SNX8: variants seen among roughly 807,000 people sequenced by gnomAD.
SNX8 encodes sorting nexin-8.
A neutral mutation model predicts 51.6 loss-of-function variants in SNX8; 25 were observed. The ratio of observed to expected loss-of-function variants is 0.48; its 90% CI spans 0.35 to 0.68. SNX8 has a LOEUF of 0.68. Ranked by LOEUF, SNX8 falls within the 30% of genes least tolerant of loss-of-function variation. The pLI, the probability that SNX8 is intolerant of heterozygous loss-of-function variation, is 0.00. For missense variants in SNX8, 695 were observed against 624.0 expected (o/e 1.11, Z -1.21); for synonymous variants, 324 against 277.0 (o/e 1.17, Z -1.68).
rs79654246 is a variant in SNX8, at chr7:2,305,086, G to A, written c.94+9242C>T. Among the ~76,000 whole-genome samples, 240 of 152,264 alleles carry A rather than the reference G, an allele frequency of 1.6e-3. 7 individuals carry two copies. The East Asian group carries it at 0.043, about 27-fold the overall frequency. Reference sequence around the variant, plus strand: ...GCTCCTTCCTGCTGTGCTGCCGGTGGGTCACCGAAACAGCTGGACTCAACA... The same window carrying A: ...GCTCCTTCCTGCTGTGCTGCCGGTGAGTCACCGAAACAGCTGGACTCAACA... On this transcript the variant is annotated intron_variant, in intron 1 of 10. Coordinates refer to ENST00000222990, the MANE Select transcript of SNX8 (RefSeq NM_013321.4).
At chr7:2,351,550 A>G (rs1485162493) in intron 1 of SNX8, among the ~76,000 whole-genome samples, 7 of 151,840 alleles carry the variant, frequency 4.6e-5, no homozygotes, top group Non-Finnish European at 1.0e-4. Context: ...AAATAATAAT[A>G]GGCCAGGCGC....
chr7:2,283,114 C>T (rs1795946249), intron 1 of SNX8, among the ~76,000 whole-genome samples: 1 of 151,584 alleles, frequency 6.6e-6, no homozygotes, highest in African/African-American at 2.4e-5. Context: ...AAACCAGACT[C>T]CGTCTCAAAA....
intron 1 of SNX8, among the ~76,000 whole-genome samples, chr7:2,298,527 G>A (rs754916976): frequency 2.6e-5 from 4 of 151,418 alleles, no homozygotes; most frequent in African/African-American, 7.3e-5. Flanking sequence ...GCACCAGCAC[G>A]CCCAGGTAAT....
rs551493936 is a variant in SNX8 at position 2,271,417 on chromosome 7, G to T, written c.540+433C>A. Among the ~76,000 whole-genome samples, 585 of 152,308 alleles carry T rather than the reference G, an allele frequency of 3.8e-3. 2 individuals are homozygous for T. Among genetic ancestry groups the T allele is most frequent in the Non-Finnish European group, 4.4e-3 (301 of 68,028 alleles). On this transcript the variant is annotated intron_variant, in intron 4 of 10. Transcript: ENST00000222990. Reference sequence around the variant, plus strand: ...GGGAAGCCCCACTCAGACCTCTGACGGAGTGCATGTACAACAAGTTAATTC... The same window carrying T: ...GGGAAGCCCCACTCAGACCTCTGACTGAGTGCATGTACAACAAGTTAATTC...
At chr7:2,267,330 C>A (rs1261007316) in intron 5 of SNX8, among the ~76,000 whole-genome samples, 33 of 142,698 alleles carry the variant, frequency 2.3e-4, no homozygotes, top group African/African-American at 8.4e-4. Context: ...CTCCCCCTCC[C>A]CCTCTCCCTC....
In SNX8 at chr7:2,264,472, G is replaced by C. The variant is rs756365601; in HGVS notation, c.622-14C>G. On this transcript the variant is annotated splice_polypyrimidine_tract_variant and intron_variant, in intron 5 of 10. Transcript: ENST00000222990. ...TGGGAGGAAGTCCTGACATCATGATGGGGGGAGAGACACTGTGTTAGTCGC... is the reference window on the plus strand; with the variant it reads ...TGGGAGGAAGTCCTGACATCATGATCGGGGGAGAGACACTGTGTTAGTCGC... 3 of 1,605,856 alleles carry C rather than the reference G, an allele frequency of 1.9e-6. No homozygotes were observed. The South Asian group carries it at 3.3e-5, about 18-fold the overall frequency.
chr7:2,345,020 T>G (rs1778995451), intron 1 of SNX8, among the ~76,000 whole-genome samples: 1 of 152,202 alleles, frequency 6.6e-6, no homozygotes, highest in South Asian at 2.1e-4. Context: ...GGAGTGTAAA[T>G]TGGTACAGAT....
chr7:2,286,722 G>A (rs989164027), intron 1 of SNX8, among the ~76,000 whole-genome samples: 12 of 151,486 alleles, frequency 7.9e-5, no homozygotes, highest in African/African-American at 2.4e-4. Context: ...GTTTCACCAT[G>A]TTAGCCAGGA....
intron 1 of SNX8, chr7:2,309,656 G>C (rs1299765079): frequency 1.0e-5 from 4 of 390,118 alleles, no homozygotes; most frequent in African/African-American, 6.4e-5. Flanking sequence ...GCTTGAACCC[G>C]GGAGGAGGAG....
chr7:2,304,849 C>G (rs188073629), intron 1 of SNX8, among the ~76,000 whole-genome samples: 204 of 152,262 alleles, frequency 1.3e-3, no homozygotes, highest in Non-Finnish European at 2.3e-3. Context: ...GTGGCCGGTT[C>G]TTGAAAGACA....
At chr7:2,275,496 TAA>T (rs1374075687) in intron 2 of SNX8, among the ~76,000 whole-genome samples, 1 of 151,194 alleles carries the variant, frequency 6.6e-6, no homozygotes, top group Non-Finnish European at 1.5e-5. Flanking sequence ...GGTCAGGAGT[TAA>T]AGAGACCAGC....
chr7:2,345,011 G>A (rs7803941), intron 1 of SNX8, among the ~76,000 whole-genome samples: 1,637 of 152,252 alleles, frequency 0.011, 38 homozygotes, highest in African/African-American at 0.033. Context: ...CTGCTGGAGG[G>A]AGTGTAAATT....
intron 1 of SNX8, among the ~76,000 whole-genome samples, chr7:2,324,019 C>T (rs1219756212): frequency 6.6e-6 from 1 of 151,702 alleles, no homozygotes; most frequent in Non-Finnish European, 1.5e-5. Flanking sequence ...ACTTGGGAGG[C>T]TGAGGCAGGA....
At chr7:2,349,406 GTTTA>G (rs1316930413) in intron 1 of SNX8, among the ~76,000 whole-genome samples, 1 of 149,950 alleles carries the variant, frequency 6.7e-6, no homozygotes, top group Non-Finnish European at 1.5e-5. Context: ...TATATTTTTA[GTTTA>G]TTTTTTTCAC....
chr7:2,292,602 G>A (rs894519712), intron 1 of SNX8, among the ~76,000 whole-genome samples: 3 of 151,954 alleles, frequency 2.0e-5, no homozygotes, highest in Non-Finnish European at 4.4e-5. Flanking sequence ...TAGTAGAAAC[G>A]TGGTTTCACC....
At chr7:2,329,680 A>T (rs918106088) in intron 1 of SNX8, among the ~76,000 whole-genome samples, 4 of 152,182 alleles carry the variant, frequency 2.6e-5, no homozygotes, top group Non-Finnish European at 5.9e-5. Context: ...TGAAGCCTCC[A>T]TAAAAATCCA....
chr7:2,256,517 G>A (rs1238051715), intron 10 of SNX8, among the ~76,000 whole-genome samples: 4 of 152,236 alleles, frequency 2.6e-5, no homozygotes, highest in South Asian at 2.1e-4. Context: ...GGGCTCTCTG[G>A]AAGAACAGCC....
intron 1 of SNX8, among the ~76,000 whole-genome samples, chr7:2,330,051 G>A (rs1486427048): frequency 2.0e-5 from 3 of 148,886 alleles, no homozygotes; most frequent in Non-Finnish European, 4.4e-5. Context: ...GGCTGGTCTC[G>A]AACTCCTGAC....
rs1357449864 is a variant in SNX8, at chr7:2,303,394, G to A, written c.94+10934C>T. Among the ~76,000 whole-genome samples, 4 of 151,752 alleles carry A rather than the reference G, an allele frequency of 2.6e-5. No individual in the cohort carries two copies. The East Asian group carries it at 7.8e-4, about 30-fold the overall frequency. On this transcript the variant is annotated intron_variant, in intron 1 of 10. Coordinates refer to ENST00000222990, the MANE Select transcript of SNX8 (RefSeq NM_013321.4). The stretch of plus-strand genomic sequence containing the variant: ...GGGAGGTGAGGGGCGCCTCTGCCCG[G>A]CCGCCCCTACTGGGAAGTGAGGAGC...
Sources: gnomAD v4.1 joint callset for allele counts (sites outside exome capture counted in the v4.1 genomes callset) on GRCh38, gnomAD v4.1.1 for gene constraint, MANE v1.5 for transcripts, NCBI Gene and HGNC (gene_info 2026-07-23, HGNC 2026-07-21) for gene names.